Variants in COL16A1 observed in about 807,000 individuals in gnomAD.
The protein encoded by COL16A1 is collagen alpha-1(XVI) chain.
In COL16A1, 189 loss-of-function variants were observed where a neutral mutation model predicts 266.3. The ratio of observed to expected loss-of-function variants is 0.71; its 90% CI spans 0.63 to 0.80. The LOEUF is 0.80. COL16A1 is among the 30% of genes least tolerant of loss of function. COL16A1 has a pLI of 0.00. For synonymous variants in COL16A1, 740 were observed against 782.3 expected, an observed-to-expected ratio of 0.95 and a Z score of 0.90; for missense variants, 1,928 against 2,122.4, an observed-to-expected ratio of 0.91 and a Z score of 1.80.
intron 23 of COL16A1, chr1:31,689,288 G>T: frequency 1.2e-6 from 1 of 809,780 alleles, no homozygotes; most frequent in Non-Finnish European, 1.9e-6. Flanking sequence ...AATGACGCCA[G>T]GTTAAGCTAA....
In COL16A1 at chr1:31,664,188, G is replaced by A. The variant is rs1245998719; in HGVS notation, c.3555+984C>T. ...GGAAGGGGAAGGGGAAGGGGAAGGG[G>A]AAGGGGAAGGGGGCTAGCAACCACC... On this transcript the variant is annotated intron_variant, in intron 56 of 70. Transcript: ENST00000373672. This position sits in a 1 kb window ranked among gnomAD's most constrained non-coding sequence, Gnocchi z 5.5. Among the ~76,000 whole-genome samples the A allele has an allele frequency of 6.9e-6, 1 of 145,640 alleles. No individual in the cohort carries two copies. The highest frequency in any genetic ancestry group is 2.5e-5 in the African/African-American group (1 of 39,660).
chr1:31,681,783 G>A (rs902175648), intron 37 of COL16A1, among the ~76,000 whole-genome samples: 11 of 152,240 alleles, frequency 7.2e-5, no homozygotes, highest in African/African-American at 2.2e-4. Context: ...ACCTTCACAC[G>A]TGGGACTTGA....
chr1:31,661,668 C>G lies in COL16A1; in HGVS notation c.3718G>C (p.Gly1240Arg), dbSNP rs750087911. The change falls in exon 59 of 71, where the codon GGA becomes CGA. Residue 1240 changes from glycine to arginine, a missense_variant. Physicochemically the swap from Gly to Arg is moderately radical, Grantham distance 125. This residue lies in a region of COL16A1 where 1,552 missense variants were observed against 1,637.2 expected (regional missense o/e 0.95). Transcript: ENST00000373672. ...PGPAGPPGLM[G>R]PPGFKGKTGH... The stretch of plus-strand genomic sequence containing the variant: ...CCTGCAGCTCAACTTACCGGTGGTC[C>G]CATGAGTCCAGGGGGGCCAGCAGGA... 4.3e-6 allele frequency: 7 copies of G among 1,612,716 alleles called. No homozygotes were observed. In the Admixed American group the frequency reaches 1.2e-4, roughly 27 times the overall value.
At chr1:31,695,117 A>ACC in intron 11 of COL16A1, 69 bp downstream of exon 11, 1 of 1,567,098 alleles carries the variant, frequency 6.4e-7, no homozygotes, top group Non-Finnish European at 8.8e-7. Context: ...GAGGCTGCCA[A>ACC]GCCAGCTCTA....
At chr1:31,676,586 A>C (rs1643206187) in intron 42 of COL16A1, among the ~76,000 whole-genome samples, 1 of 152,156 alleles carries the variant, frequency 6.6e-6, no homozygotes, top group South Asian at 2.1e-4. Flanking sequence ...GGGGAAAAAA[A>C]TTCTATGCCT....
intron 33 of COL16A1, 55 bp downstream of exon 33, chr1:31,683,895 A>T: frequency 6.2e-7 from 1 of 1,612,042 alleles, no homozygotes; most frequent in Non-Finnish European, 8.5e-7. Flanking sequence ...GGATCTCCCT[A>T]TCCCACCCCT....
At position 31,697,612 on chromosome 1, in the gene COL16A1, C is replaced by CAAAG. The variant is rs918382805; in HGVS notation, c.657+290_657+293dup. ...TTCCAGGTGGAGGTAACAGCGTAGG[C>CAAAG]AAAGGCACGGCAGTGTGAAAGCACT... is the stretch of plus-strand genomic sequence containing the variant. On this transcript the variant is annotated intron_variant, in intron 6 of 70. Transcript: ENST00000373672. The surrounding 1 kb of genome is among the most constrained non-coding windows in gnomAD (Gnocchi z 4.2). 7.9e-5 allele frequency among the ~76,000 whole-genome samples: 12 copies of CAAAG among 152,240 alleles called. No individual in the cohort carries two copies. The highest frequency in any genetic ancestry group is 7.7e-4 in the East Asian group (4 of 5,168).
intron 52 of COL16A1, among the ~76,000 whole-genome samples, chr1:31,666,927 C>T (rs978650041): frequency 4.6e-5 from 7 of 152,214 alleles, no homozygotes; most frequent in Non-Finnish European, 8.8e-5. Context: ...AGGGCAACTG[C>T]GCTCTGTTCA....
intron 26 of COL16A1, among the ~76,000 whole-genome samples, chr1:31,687,579 T>G (rs1570536407): frequency 4.3e-5 from 6 of 138,210 alleles, no homozygotes; most frequent in Admixed American, 7.2e-5. Flanking sequence ...GTGGAGGGGG[T>G]GAGAGAGCCA....
At chr1:31,690,008 T>G in intron 22 of COL16A1, 157 bp from the exon 23 acceptor site, 1 of 648,188 alleles carries the variant, frequency 1.5e-6, no homozygotes. Context: ...GGCTTCCTGT[T>G]CAACTGACTC....
chr1:31,673,046 T>G, intron 44 of COL16A1: 1 of 648,506 alleles, frequency 1.5e-6, no homozygotes, highest in Non-Finnish European at 2.8e-6. Context: ...GCTTTGAGTT[T>G]CCTCCAGGAA....
chr1:31,690,484 G>A, intron 21 of COL16A1, 45 bp downstream of exon 21: 1 of 1,614,154 alleles, frequency 6.2e-7, no homozygotes, highest in South Asian at 1.1e-5. Flanking sequence ...CCCTCCAGAG[G>A]CCTTGGAAGA....
chr1:31,692,720 G>T lies in COL16A1; in HGVS notation c.1113+47C>A, dbSNP rs370282875. ...CCAAGCGCACAGTCCCTCCCCAGGG[G>T]CTGGCCCCATATTGGCCCTGAAGCA... On this transcript the variant is annotated intron_variant, in intron 14 of 70. Coordinates refer to ENST00000373672, the MANE Select transcript of COL16A1 (RefSeq NM_001856.4). The T allele has an allele frequency of 1.9e-5, 30 of 1,611,978 alleles. No individual in the cohort carries two copies. In the African/African-American group the frequency reaches 3.6e-4, roughly 19 times the overall value.
intron 13 of COL16A1, 126 bp from the exon 14 acceptor site, chr1:31,692,934 C>A (rs1557686702): frequency 1.9e-6 from 2 of 1,042,460 alleles, no homozygotes; most frequent in Non-Finnish European, 2.9e-6. Context: ...GGCTTCTACA[C>A]CCAAACCCCT....
At chr1:31,679,538 T>A in intron 42 of COL16A1, 94 bp downstream of exon 42, 1 of 1,613,604 alleles carries the variant, frequency 6.2e-7, no homozygotes, top group Non-Finnish European at 8.5e-7. Context: ...GTTTTTGGGG[T>A]GGGGGAGCAG....
In COL16A1 at chr1:31,655,351, G is replaced by C. The variant is rs368047384; in HGVS notation, c.4253C>G (p.Ser1418Trp). The C allele has an allele frequency of 6.2e-7, 1 of 1,612,842 alleles. No individual in the cohort carries two copies. The highest frequency in any genetic ancestry group is 8.5e-7 in the Non-Finnish European group (1 of 1,179,520). The change falls in exon 67 of 71, where the codon TCG becomes TGG. Residue 1418 changes from serine to tryptophan, a missense_variant. Physicochemically the swap from Ser to Trp is radical, Grantham distance 177. Transcript: ENST00000373672. ...ERGHPGAPGP[S>W]GSPGLPGVPG... is the part of the protein sequence containing the mutation. ...CACACCAGGCAAGCCAGGGCTCCCC[G>C]AAGGCCCCGGAGCTCCAGGGTGGCC...
intron 44 of COL16A1, chr1:31,673,138 G>C: frequency 2.2e-6 from 1 of 452,010 alleles, no homozygotes; most frequent in East Asian, 4.5e-5. Context: ...GGGACCATCT[G>C]TCCCGGCTGT....
At position 31,670,031 on chromosome 1, in the gene COL16A1, G is replaced by A. The variant is rs1642513847; in HGVS notation, c.3195+571C>T. On this transcript the variant is annotated intron_variant, in intron 49 of 70. Coordinates refer to ENST00000373672, the MANE Select transcript of COL16A1 (RefSeq NM_001856.4). The surrounding 1 kb of genome is among the most constrained non-coding windows in gnomAD (Gnocchi z 4.5). ...GGACGACGGAAAAGGCGCAGGAAGG[G>A]CTGCCTTTAAATCCCTGGGTGCCTC... 1.3e-5 allele frequency: 2 copies of A among 152,456 alleles called. No homozygotes were observed. The highest frequency in any genetic ancestry group is 3.1e-3 in the Middle Eastern group (1 of 318). 9.4% of individuals were successfully genotyped at this position (152,456 alleles called of 1,614,324 possible).
intron 42 of COL16A1, among the ~76,000 whole-genome samples, chr1:31,676,109 G>A (rs2148729981): frequency 6.6e-6 from 1 of 152,178 alleles, no homozygotes; most frequent in South Asian, 2.1e-4. Context: ...CGGATCACCT[G>A]AGGCCGGGAA....
Sources: allele counts gnomAD v4.1 joint callset (sites outside exome capture counted in the v4.1 genomes callset), GRCh38; gene constraint gnomAD v4.1.1; regional missense constraint gnomAD v4.1.1; non-coding constraint Gnocchi (gnomAD v3.1); transcripts MANE v1.5; gene names NCBI Gene and HGNC (gene_info 2026-07-23, HGNC 2026-07-21).